AGBL4: variants seen among roughly 807,000 people sequenced by gnomAD.
The protein encoded by AGBL4 is AGBL carboxypeptidase 4.
Under a neutral mutation model 66.4 loss-of-function variants are expected in AGBL4, and 58 were observed. The ratio of observed to expected loss-of-function variants is 0.87; its 90% CI spans 0.71 to 1.09. AGBL4 has a LOEUF of 1.09. Ranked by LOEUF, AGBL4 falls within the 50% of genes least tolerant of loss-of-function variation. The pLI, the probability that AGBL4 is intolerant of heterozygous loss-of-function variation, is 0.00. For synonymous variants in AGBL4, 234 were observed against 222.9 expected (o/e 1.05, Z -0.44); for missense variants, 579 against 631.0 (o/e 0.92, Z 0.88).
intron 9 of AGBL4, among the ~76,000 whole-genome samples, chr1:48,611,874 G>A (rs139360079): frequency 2.2e-4 from 33 of 152,314 alleles, no homozygotes; most frequent in African/African-American, 7.5e-4. Flanking sequence ...TCCCTAGTCT[G>A]AAACAAACAA....
chr1:48,862,946 T>C (rs1167671600), intron 6 of AGBL4, among the ~76,000 whole-genome samples: 2 of 152,154 alleles, frequency 1.3e-5, no homozygotes, highest in Non-Finnish European at 2.9e-5. Flanking sequence ...GGACTCTCAC[T>C]AAAATAGCTA....
chr1:49,745,266 G>A (rs754116630), intron 2 of AGBL4, among the ~76,000 whole-genome samples: 155 of 151,908 alleles, frequency 1.0e-3, no homozygotes, highest in Non-Finnish European at 1.8e-3. Flanking sequence ...ATTGTTTCAC[G>A]TTCCATAGTT....
At chr1:48,878,302 A>G (rs1248385228) in intron 5 of AGBL4, among the ~76,000 whole-genome samples, 1 of 152,196 alleles carries the variant, frequency 6.6e-6, no homozygotes, top group African/African-American at 2.4e-5. Context: ...ACTGAATGAA[A>G]TGGATCAGGA....
At position 49,222,993 on chromosome 1, in the gene AGBL4, A is replaced by G. The variant is rs543098683; in HGVS notation, c.377+22777T>C. On this transcript the variant is annotated intron_variant, in intron 4 of 13. Transcript: ENST00000371839. ...AAGCTCACCTGTCAGAGAACATCCC[A>G]TATCCATGTGGAGAGCCTTTTAATA... 2.6e-5 allele frequency among the ~76,000 whole-genome samples: 4 copies of G among 152,282 alleles called. No individual in the cohort carries two copies. In the East Asian group the frequency reaches 7.7e-4, roughly 29 times the overall value.
chr1:48,889,051 C>T (rs1650655267), intron 5 of AGBL4, among the ~76,000 whole-genome samples: 1 of 152,200 alleles, frequency 6.6e-6, no homozygotes. Context: ...GAAGGATCCA[C>T]ATGTAAAGTT....
chr1:49,865,970 TATC>T (rs1646690529), intron 1 of AGBL4: 1 of 383,756 alleles, frequency 2.6e-6, no homozygotes, highest in African/African-American at 2.1e-5. Flanking sequence ...CAACCACAAG[TATC>T]AACAACCTAA....
At chr1:49,904,917 ATT>A (rs1050319444) in intron 1 of AGBL4, among the ~76,000 whole-genome samples, 1 of 152,196 alleles carries the variant, frequency 6.6e-6, no homozygotes, top group African/African-American at 2.4e-5. Context: ...CCTTTGGACA[ATT>A]AGATTTCAAG....
chr1:49,391,562 TG>T (rs150480273), intron 3 of AGBL4, among the ~76,000 whole-genome samples: 3,329 of 84,602 alleles, frequency 0.039, 51 homozygotes, highest in African/African-American at 0.14. Context: ...TTTTTTTTTT[TG>T]TTTTTTTTTT....
chr1:48,775,443 GAGA>G (rs1645030835), intron 6 of AGBL4, among the ~76,000 whole-genome samples: 1 of 152,152 alleles, frequency 6.6e-6, no homozygotes, highest in African/African-American at 2.4e-5. Flanking sequence ...GAAAAAAATA[GAGA>G]AGGTCTCAAA....
chr1:49,827,405 G>A (rs2148005974), intron 2 of AGBL4, among the ~76,000 whole-genome samples: 1 of 152,252 alleles, frequency 6.6e-6, no homozygotes, highest in East Asian at 1.9e-4. Context: ...TTAAAAAAAA[G>A]TTTTAAGGTC....
intron 3 of AGBL4, among the ~76,000 whole-genome samples, chr1:49,643,268 C>T (rs1188617485): frequency 1.3e-5 from 2 of 151,404 alleles, no homozygotes; most frequent in Non-Finnish European, 3.0e-5. Flanking sequence ...TCTTAAAAAA[C>T]ACCAAAAGAA....
chr1:48,909,064 A>G (rs3121537), intron 5 of AGBL4, among the ~76,000 whole-genome samples: 129,894 of 152,020 alleles, frequency 0.85, 55,723 homozygotes, highest in Admixed American at 0.9. Context: ...TAGCAGATTT[A>G]CCTCTTGCAA....
chr1:49,709,323 C>A (rs1214170486), intron 2 of AGBL4, among the ~76,000 whole-genome samples: 1 of 152,182 alleles, frequency 6.6e-6, no homozygotes, highest in Non-Finnish European at 1.5e-5. Context: ...GGGCTCTGCC[C>A]AGTCTGAACT....
At chr1:49,914,615 C>A (rs571854613) in intron 1 of AGBL4, among the ~76,000 whole-genome samples, 1 of 152,316 alleles carries the variant, frequency 6.6e-6, no homozygotes, top group African/African-American at 2.4e-5. Context: ...CCTCCAAGTT[C>A]TTTGAGCCTC....
intron 5 of AGBL4, among the ~76,000 whole-genome samples, chr1:48,893,892 C>T (rs1236442569): frequency 1.3e-5 from 2 of 152,044 alleles, no homozygotes; most frequent in Non-Finnish European, 2.9e-5. Flanking sequence ...GTCTACAAGC[C>T]ACCCAGTTTA....
At chr1:49,619,072 C>T (rs183324150) in intron 3 of AGBL4, among the ~76,000 whole-genome samples, 85 of 152,210 alleles carry the variant, frequency 5.6e-4, no homozygotes, top group Non-Finnish European at 9.4e-4. Flanking sequence ...ACAAGGAAGC[C>T]CTCTCTCACC....
intron 6 of AGBL4, among the ~76,000 whole-genome samples, chr1:48,684,142 C>A (rs1646495431): frequency 6.6e-6 from 1 of 152,196 alleles, no homozygotes; most frequent in Non-Finnish European, 1.5e-5. Flanking sequence ...CAAGGGCTAT[C>A]ACTATGACTA....
chr1:49,066,987 C>T (rs577676290), intron 4 of AGBL4, among the ~76,000 whole-genome samples: 94 of 152,168 alleles, frequency 6.2e-4, no homozygotes, highest in Non-Finnish European at 1.2e-3. Flanking sequence ...TTCTAAGTAG[C>T]GGAGATTCTG....
At chr1:48,565,588 G>T (rs1644464299) in intron 11 of AGBL4, among the ~76,000 whole-genome samples, 1 of 151,986 alleles carries the variant, frequency 6.6e-6, no homozygotes, top group Non-Finnish European at 1.5e-5. Flanking sequence ...AGCATCCAGG[G>T]TCCCTCCCAA....
Sources: allele counts gnomAD v4.1 joint callset (sites outside exome capture counted in the v4.1 genomes callset), GRCh38; gene constraint gnomAD v4.1.1; transcripts MANE v1.5; gene names NCBI Gene and HGNC (gene_info 2026-07-23, HGNC 2026-07-21).